The following TSHZ3 variants were observed in gnomAD, a reference collection of about 807,000 sequenced individuals.
TSHZ3 encodes teashirt homolog 3.
TSHZ3 carries 10 observed loss-of-function variants against 64.5 expected under a neutral mutation model. The ratio of observed to expected loss-of-function variants is 0.16; its 90% CI spans 0.10 to 0.26. The LOEUF (loss-of-function observed/expected upper bound fraction) is 0.26, where lower values mean the gene tolerates loss of function less well. TSHZ3 is among the 10% of genes least tolerant of loss of function. The pLI is 1.00. For synonymous variants in TSHZ3, 608 were observed against 593.1 expected (o/e 1.03, Z -0.36); for missense variants, 1,242 against 1,421.7 (o/e 0.87, Z 2.03).
intron 1 of TSHZ3, among the ~76,000 whole-genome samples, chr19:31,325,484 T>C (rs1048548273): frequency 1.4e-4 from 21 of 152,220 alleles, no homozygotes; most frequent in African/African-American, 5.1e-4. Flanking sequence ...TCTGGGTGCC[T>C]GCTGAGCGAG....
chr19:31,251,532 A>C (rs142967142), intron 1 of TSHZ3, among the ~76,000 whole-genome samples: 314 of 152,284 alleles, frequency 2.1e-3, no homozygotes, highest in African/African-American at 7.1e-3. Flanking sequence ...GCTGAGACCC[A>C]GAAGATAAAG....
exon 5 of TSHZ3, chr19:31,205,023 T>C (rs1211611418): frequency 6.6e-6 from 1 of 152,242 alleles, no homozygotes. Flanking sequence ...GGATGGAACT[T>C]GGGGTCTTTC....
At chr19:31,193,890 A>T (rs12462755) in intron 5 of TSHZ3, among the ~76,000 whole-genome samples, 2,403 of 152,292 alleles carry the variant, frequency 0.016, 150 homozygotes, top group Admixed American at 0.12. Flanking sequence ...TTTTTAGAAA[A>T]ATAGTAATGT....
At chr19:31,315,561 C>T (rs1916576695) in intron 1 of TSHZ3, among the ~76,000 whole-genome samples, 1 of 152,202 alleles carries the variant, frequency 6.6e-6, no homozygotes, top group African/African-American at 2.4e-5. Context: ...ACTTCCCTCA[C>T]TCGCCACCCA....
At chr19:31,299,862 A>G (rs573470276) in intron 1 of TSHZ3, among the ~76,000 whole-genome samples, 1 of 152,222 alleles carries the variant, frequency 6.6e-6, no homozygotes, top group Non-Finnish European at 1.5e-5. Context: ...GGAACACTGT[A>G]TCATCGCCAC....
rs28609894 is a variant in TSHZ3 at position 31,279,103 on chromosome 19, C to T, written c.690G>A (p.Thr230=). Residue 230 remains threonine, a synonymous_variant, in exon 2 of 2, where the codon ACG becomes ACA. Coordinates refer to ENST00000240587, the MANE Select transcript of TSHZ3 (RefSeq NM_020856.4). The surrounding 1 kb of genome is among the most constrained non-coding windows in gnomAD (Gnocchi z 6.4). ...SAAYDTLVEL[T]VHMNETGHYR... is the part of the protein sequence containing the mutation. Reference sequence around the variant, plus strand: ...AATGCCCCGTCTCGTTCATGTGCACCGTCAACTCCACCAGGGTGTCGTAGG... The same window carrying T: ...AATGCCCCGTCTCGTTCATGTGCACTGTCAACTCCACCAGGGTGTCGTAGG... The T allele has an allele frequency of 0.22, 361,902 of 1,613,456 alleles. 44,736 individuals carry two copies. Among genetic ancestry groups the T allele is most frequent in the African/African-American group, 0.42 (31,208 of 74,890 alleles).
chr19:31,257,899 A>G (rs1255691430), intron 1 of TSHZ3, among the ~76,000 whole-genome samples: 1 of 152,204 alleles, frequency 6.6e-6, no homozygotes, highest in African/African-American at 2.4e-5. Flanking sequence ...GCTGTCTGAC[A>G]TGGGTCTTTG....
chr19:31,281,957 T>C (rs990367718), intron 1 of TSHZ3, among the ~76,000 whole-genome samples: 1 of 152,122 alleles, frequency 6.6e-6, no homozygotes, highest in African/African-American at 2.4e-5. Flanking sequence ...ATTTACTCAG[T>C]CTTATGCAAA....
intron 5 of TSHZ3, among the ~76,000 whole-genome samples, chr19:31,161,246 G>C (rs115800736): frequency 1.3e-5 from 2 of 151,986 alleles, no homozygotes; most frequent in Non-Finnish European, 2.9e-5. Context: ...GCCTGATAGC[G>C]GTATGATTTC....
At chr19:31,226,883 T>G (rs1264507833) in intron 4 of TSHZ3, among the ~76,000 whole-genome samples, 1 of 152,118 alleles carries the variant, frequency 6.6e-6, no homozygotes, top group Non-Finnish European at 1.5e-5. Context: ...CTGTCCAATC[T>G]GTTTATTTCC....
chr19:31,290,938 T>C (rs1000960529), intron 1 of TSHZ3, among the ~76,000 whole-genome samples: 3 of 152,360 alleles, frequency 2.0e-5, no homozygotes, highest in Non-Finnish European at 2.9e-5. Context: ...GCTAATTTGA[T>C]GTAATGTGTG....
At chr19:31,183,824 A>C (rs931799525) in intron 5 of TSHZ3, among the ~76,000 whole-genome samples, 1 of 152,112 alleles carries the variant, frequency 6.6e-6, no homozygotes, top group Non-Finnish European at 1.5e-5. Flanking sequence ...TTTTGACTGA[A>C]GAGTCTTTGG....
intron 1 of TSHZ3, among the ~76,000 whole-genome samples, chr19:31,248,123 T>G (rs1199644462): frequency 1.3e-5 from 2 of 151,772 alleles, no homozygotes; most frequent in African/African-American, 4.8e-5. Flanking sequence ...ACGAGAACAG[T>G]ATGGGGGAAA....
intron 3 of TSHZ3, among the ~76,000 whole-genome samples, chr19:31,233,194 A>G (rs1219230286): frequency 1.3e-5 from 2 of 152,198 alleles, no homozygotes; most frequent in Non-Finnish European, 2.9e-5. Context: ...CCTCCCCAGT[A>G]ATATATGAAA....
chr19:31,315,443 G>A (rs1310323376), intron 1 of TSHZ3, among the ~76,000 whole-genome samples: 1 of 152,144 alleles, frequency 6.6e-6, no homozygotes, highest in Non-Finnish European at 1.5e-5. Flanking sequence ...TGGGGGCGGG[G>A]TGCTGGATAC....
intron 3 of TSHZ3, among the ~76,000 whole-genome samples, chr19:31,234,000 G>A (rs1010642320): frequency 6.7e-6 from 1 of 149,722 alleles, no homozygotes; most frequent in Non-Finnish European, 1.5e-5. Flanking sequence ...AAGTCAGTTT[G>A]GGTACAAAGA....
rs780470692 is a variant in TSHZ3, at chr19:31,277,584, C to T, written c.2209G>A (p.Ala737Thr). The change falls in exon 2 of 2, where the codon GCC becomes ACC. Residue 737 changes from alanine (A) to threonine (T), a missense_variant. Transcript: ENST00000240587. The surrounding 1 kb of genome is among the most constrained non-coding windows in gnomAD (Gnocchi z 4.5). ...TCCAGGGCAGGCAGGGAGGGCTTGG[C>T]GGCCTTGCCCAGGTGAATGTTCATG... ...SVMNIHLGKA[A>T]KPSLPALDPM... 6.9e-6 allele frequency: 11 copies of T among 1,594,270 alleles called. No homozygotes were observed. Among genetic ancestry groups the T allele is most frequent in the South Asian group, 2.3e-5 (2 of 88,130 alleles).
Position 31,278,428 on chromosome 19 carries a change from G to A in TSHZ3, c.1365C>T (p.Pro455=), listed in dbSNP as rs902760016. 6.2e-7 allele frequency: 1 copy of A among 1,614,154 alleles called. No individual in the cohort carries two copies. ...VPLAATTFTS[P]SNTPASISPK... is the part of the protein sequence containing the mutation. ...GGGAGATGCTGGCAGGTGTATTGGA[G>A]GGGGACGTGAAGGTGGTGGCTGCCA... is the stretch of plus-strand genomic sequence containing the variant. Residue 455 remains proline, a synonymous_variant, in exon 2 of 2, where the codon CCC becomes CCT. Coordinates refer to ENST00000240587, the MANE Select transcript of TSHZ3 (RefSeq NM_020856.4). This position sits in a 1 kb window ranked among gnomAD's most constrained non-coding sequence, Gnocchi z 4.7.
intron 5 of TSHZ3, among the ~76,000 whole-genome samples, chr19:31,179,813 T>TA (rs1224190912): frequency 8.0e-6 from 1 of 125,628 alleles, no homozygotes; most frequent in South Asian, 2.6e-4. Flanking sequence ...ATGATGATGG[T>TA]GGTGGTGATG....
Sources: gnomAD v4.1 joint callset for allele counts (sites outside exome capture counted in the v4.1 genomes callset) on GRCh38, gnomAD v4.1.1 for gene constraint, Gnocchi (gnomAD v3.1) non-coding constraint, MANE v1.5 for transcripts, NCBI Gene and HGNC (gene_info 2026-07-23, HGNC 2026-07-21) for gene names.